SNTG1: variants seen among roughly 807,000 people sequenced by gnomAD.
The protein encoded by SNTG1 is syntrophin gamma 1, also known as gamma-1-syntrophin.
SNTG1 carries 39 observed loss-of-function variants against 74.7 expected under a neutral mutation model. The ratio of observed to expected loss-of-function variants is 0.52; its 90% CI spans 0.40 to 0.68. The LOEUF (loss-of-function observed/expected upper bound fraction) is 0.68. Among genes scored for constraint, SNTG1 ranks in the 30% least tolerant of loss-of-function variants. The probability of loss-of-function intolerance (pLI) is 0.00; values close to 1 mark genes in which losing one functional copy is unlikely to be tolerated. For synonymous variants in SNTG1, 254 were observed against 217.1 expected, an observed-to-expected ratio of 1.17 and a Z score of -1.49; for missense variants, 685 against 609.5, an observed-to-expected ratio of 1.12 and a Z score of -1.30.
chr8:50,653,463 C>T (rs956513725), intron 13 of SNTG1, among the ~76,000 whole-genome samples: 5 of 152,082 alleles, frequency 3.3e-5, no homozygotes, highest in Non-Finnish European at 5.9e-5. Flanking sequence ...TATAAGGTTG[C>T]GTTTATTCTA....
intron 15 of SNTG1, among the ~76,000 whole-genome samples, chr8:50,660,327 GAAGAAAGAAAGAAAGAGA>G (rs1368885339): frequency 0.014 from 2,003 of 145,624 alleles, 14 homozygotes; most frequent in Non-Finnish European, 0.021. Context: ...AAGAAGGAAA[GAAGAAAGAAAGAAAGAGA>G]AAGAAAGAAA....
At chr8:50,534,179 T>C (rs2094290940) in intron 10 of SNTG1, among the ~76,000 whole-genome samples, 1 of 152,220 alleles carries the variant, frequency 6.6e-6, no homozygotes, top group Admixed American at 6.5e-5. Flanking sequence ...ATCTGTTGGC[T>C]CTGCTATCAA....
At chr8:50,132,109 T>C (rs80241481) in intron 1 of SNTG1, among the ~76,000 whole-genome samples, 2,243 of 152,284 alleles carry the variant, frequency 0.015, 52 homozygotes, top group African/African-American at 0.051. Flanking sequence ...AATCAAAATG[T>C]GATGCCTCTA....
chr8:50,564,171 C>T (rs762042555), intron 12 of SNTG1, among the ~76,000 whole-genome samples: 26 of 151,618 alleles, frequency 1.7e-4, no homozygotes, highest in Non-Finnish European at 2.6e-4. Context: ...TTCTCTCTGA[C>T]ATGTCATCCA....
At chr8:50,623,460 A>G (rs1288178048) in intron 13 of SNTG1, among the ~76,000 whole-genome samples, 2 of 152,126 alleles carry the variant, frequency 1.3e-5, no homozygotes, top group African/African-American at 4.8e-5. Flanking sequence ...TTATATAAAA[A>G]CATCTGAGTA....
chr8:50,038,917 C>T (rs1456979609), intron 1 of SNTG1, among the ~76,000 whole-genome samples: 1 of 152,156 alleles, frequency 6.6e-6, no homozygotes, highest in Non-Finnish European at 1.5e-5. Flanking sequence ...TGTTTCACAT[C>T]AGCTGATCAT....
chr8:50,139,023 A>G (rs1216592521), intron 1 of SNTG1, among the ~76,000 whole-genome samples: 7 of 152,210 alleles, frequency 4.6e-5, no homozygotes, highest in African/African-American at 1.7e-4. Context: ...ATCCTGCTAC[A>G]CACAAATGCT....
chr8:50,281,939 A>T lies in SNTG1; in HGVS notation c.-28+109304A>T, dbSNP rs183434218. 2.0e-5 allele frequency among the ~76,000 whole-genome samples: 3 copies of T among 152,294 alleles called. No individual in the cohort carries two copies. The East Asian group carries it at 5.8e-4, about 29-fold the overall frequency. ...AGCCAAGCCAAGGAATTGACATTGGACTTCATCTACAATACTTATTGACAG... is the reference window on the plus strand; with the variant it reads ...AGCCAAGCCAAGGAATTGACATTGGTCTTCATCTACAATACTTATTGACAG... On this transcript the variant is annotated intron_variant, in intron 2 of 18. Coordinates refer to ENST00000642720, the MANE Select transcript of SNTG1 (RefSeq NM_018967.5).
chr8:50,151,818 C>T (rs1241977873), intron 1 of SNTG1, among the ~76,000 whole-genome samples: 1 of 152,148 alleles, frequency 6.6e-6, no homozygotes, highest in African/African-American at 2.4e-5. Flanking sequence ...CTAAGGAGTG[C>T]TTTACTTCCA....
At chr8:50,509,357 C>T (rs983354037) in intron 9 of SNTG1, among the ~76,000 whole-genome samples, 3 of 152,186 alleles carry the variant, frequency 2.0e-5, no homozygotes, top group Non-Finnish European at 4.4e-5. Flanking sequence ...CGTGATGCCT[C>T]CAGCTTTGTT....
chr8:50,135,834 C>T (rs528180205), intron 1 of SNTG1, among the ~76,000 whole-genome samples: 4 of 152,024 alleles, frequency 2.6e-5, no homozygotes, highest in East Asian at 3.9e-4. Context: ...TTTGGTGTGC[C>T]GATTGTTTTG....
chr8:50,324,989 T>C (rs1200189735), intron 2 of SNTG1, among the ~76,000 whole-genome samples: 1 of 145,232 alleles, frequency 6.9e-6, no homozygotes, highest in African/African-American at 2.5e-5. Context: ...AGAGAGAGAA[T>C]ACTGTGTGTG....
intron 15 of SNTG1, among the ~76,000 whole-genome samples, chr8:50,681,088 G>A (rs778821893): frequency 3.3e-5 from 5 of 151,990 alleles, no homozygotes; most frequent in Non-Finnish European, 7.4e-5. Context: ...TTTACTAATT[G>A]ATCTGATAAT....
intron 11 of SNTG1, among the ~76,000 whole-genome samples, chr8:50,550,657 T>C (rs937987658): frequency 6.6e-6 from 1 of 151,310 alleles, no homozygotes; most frequent in African/African-American, 2.5e-5. Context: ...AACTTCAGAC[T>C]AACTCTTCAG....
chr8:50,578,485 A>G (rs1001681017), intron 12 of SNTG1, among the ~76,000 whole-genome samples: 1 of 152,208 alleles, frequency 6.6e-6, no homozygotes, highest in African/African-American at 2.4e-5. Flanking sequence ...GGAGAGAAAA[A>G]TAAAACAGGG....
rs187748430 is a variant in SNTG1, at chr8:50,326,731, A to G, written c.-27-67481A>G. Among the ~76,000 whole-genome samples the G allele has an allele frequency of 4.6e-3, 696 of 151,014 alleles. 5 individuals carry two copies. Among genetic ancestry groups the G allele is most frequent in the African/African-American group, 0.015 (601 of 41,240 alleles). The stretch of plus-strand genomic sequence containing the variant: ...AAGTTTATTATTTTCTTCCAGTTAC[A>G]TTGAATTTCATTTACTCTTATTTTT... On this transcript the variant is annotated intron_variant, in intron 2 of 18. Coordinates refer to ENST00000642720, the MANE Select transcript of SNTG1 (RefSeq NM_018967.5).
chr8:50,682,035 C>T (rs2095332949), intron 15 of SNTG1, among the ~76,000 whole-genome samples: 2 of 152,164 alleles, frequency 1.3e-5, no homozygotes, highest in South Asian at 4.1e-4. Flanking sequence ...ACTGTTGTGA[C>T]ACTGGTGTTA....
chr8:50,785,551 G>A (rs941657125), intron 18 of SNTG1, among the ~76,000 whole-genome samples: 2 of 151,866 alleles, frequency 1.3e-5, no homozygotes, highest in African/African-American at 4.8e-5. Context: ...ACAAGAAAAA[G>A]CCCCAAATCA....
chr8:50,634,344 T>A (rs1053139145), intron 13 of SNTG1, among the ~76,000 whole-genome samples: 3 of 152,222 alleles, frequency 2.0e-5, no homozygotes, highest in Non-Finnish European at 4.4e-5. Flanking sequence ...TCAAATTGTC[T>A]GGGTCATGCA....
Sources: gnomAD v4.1 joint callset for allele counts (sites outside exome capture counted in the v4.1 genomes callset) on GRCh38, gnomAD v4.1.1 for gene constraint, MANE v1.5 for transcripts, NCBI Gene and HGNC (gene_info 2026-07-23, HGNC 2026-07-21) for gene names.